The following NRXN3 variants were observed in gnomAD, a reference collection of about 807,000 sequenced individuals.
NRXN3 encodes neurexin 3.
NRXN3 carries 32 observed loss-of-function variants against 137.6 expected under a neutral mutation model. The ratio of observed to expected loss-of-function variants is 0.23; its 90% CI spans 0.18 to 0.31. NRXN3 has a LOEUF of 0.31. NRXN3 is among the 10% of genes least tolerant of loss of function. The pLI is 1.00. For synonymous variants in NRXN3, 798 were observed against 784.5 expected (o/e 1.02, Z -0.29); for missense variants, 1,574 against 2,062.5 (o/e 0.76, Z 4.59).
At chr14:79,832,354 G>A (rs984220579) in intron 20 of NRXN3, among the ~76,000 whole-genome samples, 4 of 152,134 alleles carry the variant, frequency 2.6e-5, no homozygotes, top group African/African-American at 9.7e-5. Flanking sequence ...AAGTTGCATT[G>A]TGGAACTAAA....
rs137971605 is a variant in NRXN3, at chr14:79,789,606, G to A, written c.4015-15506G>A. 2.8e-4 allele frequency among the ~76,000 whole-genome samples: 42 copies of A among 152,236 alleles called. 1 individual carries two copies. The East Asian group carries it at 6.2e-3, about 22-fold the overall frequency. ...ATGCCTCCCCTTTTTAGACCTTATA[G>A]GGTAACTACTCTTGTCCCTTGATGA... On this transcript the variant is annotated intron_variant, in intron 19 of 20. Transcript: ENST00000335750.
chr14:78,523,358 A>G (rs1298502942), intron 4 of NRXN3, among the ~76,000 whole-genome samples: 2 of 152,198 alleles, frequency 1.3e-5, no homozygotes, highest in Admixed American at 6.5e-5. Flanking sequence ...CTTATTATCA[A>G]TTGTACTTTT....
intron 20 of NRXN3, among the ~76,000 whole-genome samples, chr14:79,852,561 G>A (rs751634871): frequency 2.6e-5 from 4 of 151,862 alleles, no homozygotes; most frequent in East Asian, 1.9e-4. Flanking sequence ...GTCTACTTAC[G>A]ACGTACATCC....
chr14:78,466,008 C>T (rs375174764), intron 4 of NRXN3, among the ~76,000 whole-genome samples: 8 of 151,338 alleles, frequency 5.3e-5, no homozygotes, highest in East Asian at 2.0e-4. Context: ...TCCACCACCA[C>T]GCCCGGCTAA....
intron 15 of NRXN3, among the ~76,000 whole-genome samples, chr14:79,037,358 T>G (rs1019770242): frequency 5.3e-5 from 8 of 152,240 alleles, no homozygotes; most frequent in African/African-American, 1.9e-4. Flanking sequence ...TGTAGCCCAT[T>G]TCCCCTGTGT....
chr14:78,241,621 A>G (rs1472225927), intron 1 of NRXN3, among the ~76,000 whole-genome samples: 2 of 143,382 alleles, frequency 1.4e-5, no homozygotes, highest in African/African-American at 5.1e-5. Flanking sequence ...CTCTGTCTCG[A>G]AAAAAAAAAA....
chr14:78,654,038 C>T (rs61976145), intron 6 of NRXN3, among the ~76,000 whole-genome samples: 8,390 of 152,244 alleles, frequency 0.055, 279 homozygotes, highest in Middle Eastern at 0.14. Context: ...CTAAGGGACT[C>T]GGAAGTCTTC....
chr14:78,512,998 A>G (rs965491433), intron 4 of NRXN3, among the ~76,000 whole-genome samples: 1 of 152,216 alleles, frequency 6.6e-6, no homozygotes, highest in African/African-American at 2.4e-5. Context: ...TGTTTGCTCC[A>G]GCACATCTCA....
chr14:78,884,917 G>A (rs2099139011), intron 10 of NRXN3, among the ~76,000 whole-genome samples: 1 of 151,780 alleles, frequency 6.6e-6, no homozygotes, highest in Non-Finnish European at 1.5e-5. Flanking sequence ...AGTTAACAAA[G>A]TGATAGTGTA....
intron 15 of NRXN3, among the ~76,000 whole-genome samples, chr14:79,393,106 C>T (rs1025695870): frequency 2.0e-5 from 3 of 151,558 alleles, no homozygotes; most frequent in Non-Finnish European, 2.9e-5. Flanking sequence ...AATCTTTTTA[C>T]GGTCTGAGTA....
chr14:78,893,577 GA>G (rs572941458), intron 10 of NRXN3, among the ~76,000 whole-genome samples: 246 of 152,040 alleles, frequency 1.6e-3, no homozygotes, highest in Middle Eastern at 0.01. Flanking sequence ...AGACCCTAAT[GA>G]AACAATCTCA....
chr14:78,615,383 G>A (rs764494295), intron 4 of NRXN3, among the ~76,000 whole-genome samples: 5 of 147,570 alleles, frequency 3.4e-5, no homozygotes, highest in Non-Finnish European at 6.0e-5. Context: ...GGTGGATCAC[G>A]AGTTCAGGAG....
At chr14:78,389,547 T>C (rs2090477879) in intron 4 of NRXN3, among the ~76,000 whole-genome samples, 1 of 152,280 alleles carries the variant, frequency 6.6e-6, no homozygotes, top group Non-Finnish European at 1.5e-5. Flanking sequence ...TTTATTGTTA[T>C]ATAAAATGTT....
chr14:78,930,239 T>C (rs545510210), intron 10 of NRXN3, among the ~76,000 whole-genome samples: 1 of 152,286 alleles, frequency 6.6e-6, no homozygotes, highest in South Asian at 2.1e-4. Flanking sequence ...GCTTCCTATA[T>C]GCCTCAGCAG....
intron 19 of NRXN3, among the ~76,000 whole-genome samples, chr14:79,739,937 C>A (rs901720156): frequency 6.6e-6 from 1 of 152,162 alleles, no homozygotes; most frequent in Non-Finnish European, 1.5e-5. Flanking sequence ...GGTCTGTTCA[C>A]CCCTTTTTTA....
chr14:78,574,431 C>A (rs1484655827), intron 4 of NRXN3, among the ~76,000 whole-genome samples: 1 of 152,240 alleles, frequency 6.6e-6, no homozygotes, highest in Non-Finnish European at 1.5e-5. Context: ...GAAAGAGGGG[C>A]TGTATCCTGC....
chr14:79,585,039 T>C (rs922550371), intron 16 of NRXN3, among the ~76,000 whole-genome samples: 5 of 152,206 alleles, frequency 3.3e-5, no homozygotes, highest in Admixed American at 1.3e-4. Flanking sequence ...TTTTGAGTGC[T>C]AGAGACTAGA....
intron 4 of NRXN3, chr14:78,602,283 TTTTTTA>T (rs1216064930): frequency 1.3e-5 from 2 of 150,598 alleles, no homozygotes; most frequent in African/African-American, 4.9e-5. Context: ...TTTTTTTTTT[TTTTTTA>T]AATTCCAAGG....
chr14:78,859,319 T>G (rs2099066173), intron 10 of NRXN3, among the ~76,000 whole-genome samples: 1 of 152,166 alleles, frequency 6.6e-6, no homozygotes, highest in African/African-American at 2.4e-5. Flanking sequence ...GGTGTGAGAA[T>G]GGACCAACAC....
Sources: gnomAD v4.1 joint callset for allele counts (sites outside exome capture counted in the v4.1 genomes callset) on GRCh38, gnomAD v4.1.1 for gene constraint, MANE v1.5 for transcripts, NCBI Gene and HGNC (gene_info 2026-07-23, HGNC 2026-07-21) for gene names.